Variants in SKIC3 observed in about 807,000 individuals in gnomAD.
SKIC3 encodes SKI3 subunit of superkiller complex, also known as superkiller complex protein 3.
At chr5:95,527,999 C>T in the SKIC3 span, 2 of 1,613,284 alleles carry the variant, frequency 1.2e-6, no homozygotes, top group Non-Finnish European at 1.7e-6. Flanking sequence ...AAGAAAAAAA[C>T]TTGACAAGTC....
chr5:95,480,821 C>A, the SKIC3 span, among the ~76,000 whole-genome samples: 3 of 152,070 alleles, frequency 2.0e-5, no homozygotes, highest in Admixed American at 1.3e-4. Context: ...ATGAAACCAC[C>A]AAATGAATCT....
the SKIC3 span, among the ~76,000 whole-genome samples, chr5:95,517,690 T>C: frequency 6.6e-6 from 1 of 152,136 alleles, no homozygotes; most frequent in Admixed American, 6.6e-5. Context: ...GCAGTAAAGT[T>C]TGTAACTCTC....
chr5:95,522,795 T>C, the SKIC3 span, among the ~76,000 whole-genome samples: 1 of 152,198 alleles, frequency 6.6e-6, no homozygotes, highest in Non-Finnish European at 1.5e-5. Context: ...AATACATTTA[T>C]TTACATTTAA....
At chr5:95,509,554 C>T in the SKIC3 span, 2 of 1,443,388 alleles carry the variant, frequency 1.4e-6, no homozygotes, top group Non-Finnish European at 1.9e-6. Flanking sequence ...CCCTTCCCCT[C>T]ATCTTCCTCC....
At chr5:95,539,181 G>C in the SKIC3 span, among the ~76,000 whole-genome samples, 8 of 151,650 alleles carry the variant, frequency 5.3e-5, 1 homozygote, top group Admixed American at 4.6e-4. Flanking sequence ...AATTATCATT[G>C]AATGTCCTAT....
At chr5:95,471,654 A>G in the SKIC3 span, among the ~76,000 whole-genome samples, 41,077 of 152,060 alleles carry the variant, frequency 0.27, 7,098 homozygotes, top group African/African-American at 0.49. Flanking sequence ...AGGCAGTAGC[A>G]GGTGGCTGGT....
the SKIC3 span, chr5:95,529,016 G>T: frequency 1.2e-6 from 2 of 1,613,630 alleles, no homozygotes; most frequent in Non-Finnish European, 1.7e-6. Flanking sequence ...CTGCATGAAA[G>T]AACAGCTTCT....
chr5:95,493,766 A>C, the SKIC3 span, among the ~76,000 whole-genome samples: 2 of 151,904 alleles, frequency 1.3e-5, no homozygotes, highest in South Asian at 4.1e-4. Context: ...GATCTAACAC[A>C]TCTGAAGAGT....
the SKIC3 span, among the ~76,000 whole-genome samples, chr5:95,531,053 C>CA: frequency 4.7e-5 from 7 of 149,758 alleles, no homozygotes; most frequent in Non-Finnish European, 8.9e-5. Context: ...ATATGGGAAA[C>CA]AAAAAAAATT....
the SKIC3 span, among the ~76,000 whole-genome samples, chr5:95,494,114 T>C: frequency 2.6e-5 from 4 of 152,288 alleles, no homozygotes; most frequent in East Asian, 1.9e-4. Flanking sequence ...TTAAACCATA[T>C]TGATGCAAAA....
chr5:95,478,289 C>T, the SKIC3 span: 4 of 1,613,710 alleles, frequency 2.5e-6, no homozygotes, highest in East Asian at 2.2e-5. Flanking sequence ...CATGATCTTA[C>T]CATACAGACT....
chr5:95,516,505 T>A, the SKIC3 span: 1 of 1,613,242 alleles, frequency 6.2e-7, no homozygotes, highest in Non-Finnish European at 8.5e-7. Flanking sequence ...TTCTTTTTCA[T>A]AGACACATAG....
At chr5:95,514,450 T>G in the SKIC3 span, among the ~76,000 whole-genome samples, 1 of 152,128 alleles carries the variant, frequency 6.6e-6, no homozygotes, top group Non-Finnish European at 1.5e-5. Flanking sequence ...TACAGAAACA[T>G]AATATTCAAA....
chr5:95,475,244 G>A, the SKIC3 span, among the ~76,000 whole-genome samples: 1 of 152,102 alleles, frequency 6.6e-6, no homozygotes, highest in African/African-American at 2.4e-5. Context: ...ATATGGCTTG[G>A]AGCTGTGTCC....
chr5:95,490,646 C>T, the SKIC3 span, among the ~76,000 whole-genome samples: 2 of 151,548 alleles, frequency 1.3e-5, no homozygotes, highest in African/African-American at 2.4e-5. Flanking sequence ...TATAGGTGCC[C>T]GCCACCACGC....
the SKIC3 span, among the ~76,000 whole-genome samples, chr5:95,475,762 G>A: frequency 6.6e-6 from 1 of 152,294 alleles, no homozygotes; most frequent in South Asian, 2.1e-4. Context: ...CTTGCACTTG[G>A]TTTCACAGGC....
chr5:95,467,731 C>A, the SKIC3 span: 2 of 1,267,018 alleles, frequency 1.6e-6, no homozygotes, highest in Non-Finnish European at 2.2e-6. Context: ...CAAAAAATTA[C>A]ACACTCAGTT....
At chr5:95,528,907 T>C in the SKIC3 span, 1 of 1,017,558 alleles carries the variant, frequency 9.8e-7, no homozygotes, top group East Asian at 2.6e-5. Flanking sequence ...AATATAGCAT[T>C]TTGGTTTTTA....
the SKIC3 span, among the ~76,000 whole-genome samples, chr5:95,473,242 C>G: frequency 6.6e-6 from 1 of 152,234 alleles, no homozygotes; most frequent in African/African-American, 2.4e-5. Context: ...TAAGCATTCC[C>G]TTTTCTCTGC....
Sources: allele counts gnomAD v4.1 joint callset (sites outside exome capture counted in the v4.1 genomes callset), GRCh38; gene constraint gnomAD v4.1.1; transcripts MANE v1.5; gene names NCBI Gene and HGNC (gene_info 2026-07-23, HGNC 2026-07-21).